GUCA1C: variants seen among roughly 807,000 people sequenced by gnomAD.
GUCA1C encodes guanylate cyclase activator 1C.
A neutral mutation model predicts 16.2 loss-of-function variants in GUCA1C; 15 were observed. The ratio of observed to expected loss-of-function variants is 0.93; its 90% CI spans 0.62 to 1.43. The LOEUF (loss-of-function observed/expected upper bound fraction) is 1.43, where lower values mean the gene tolerates loss of function less well. GUCA1C is among the 40% of genes most tolerant of loss of function. GUCA1C has a pLI of 0.00. For synonymous variants in GUCA1C, 78 were observed against 85.4 expected (o/e 0.91, Z 0.48); for missense variants, 275 against 244.8 (o/e 1.12, Z -0.82).
intron 1 of GUCA1C, among the ~76,000 whole-genome samples, chr3:108,948,329 G>A (rs991997957): frequency 2.6e-5 from 4 of 152,092 alleles, no homozygotes; most frequent in African/African-American, 7.2e-5. Context: ...TCTCTCTCCC[G>A]CCACCATGTA....
At chr3:108,920,361 T>A in intron 2 of GUCA1C, 75 bp downstream of exon 2, 1 of 1,088,994 alleles carries the variant, frequency 9.2e-7, no homozygotes, top group Non-Finnish European at 1.4e-6. Flanking sequence ...TAGACAGCTG[T>A]TACCTACTCC....
chr3:108,938,431 G>A (rs1234816851), intron 1 of GUCA1C, among the ~76,000 whole-genome samples: 1 of 151,968 alleles, frequency 6.6e-6, no homozygotes, highest in East Asian at 1.9e-4. Context: ...AAACCCAGAC[G>A]GCTAGCATAA....
At chr3:108,910,226 C>T (rs915646325) in intron 3 of GUCA1C, among the ~76,000 whole-genome samples, 2 of 152,156 alleles carry the variant, frequency 1.3e-5, no homozygotes, top group East Asian at 1.9e-4. Flanking sequence ...AGGCCGTGAG[C>T]GGTGGCTCAC....
intron 1 of GUCA1C, among the ~76,000 whole-genome samples, chr3:108,921,195 A>G (rs1014227169): frequency 6.6e-6 from 1 of 152,162 alleles, no homozygotes; most frequent in Non-Finnish European, 1.5e-5. Context: ...TGTAGTATAT[A>G]GTATGTAGCT....
At chr3:108,939,581 C>A (rs1201158695) in intron 1 of GUCA1C, among the ~76,000 whole-genome samples, 1 of 151,674 alleles carries the variant, frequency 6.6e-6, no homozygotes, top group Non-Finnish European at 1.5e-5. Flanking sequence ...CCAGCCTCAG[C>A]CTCCCAAAGT....
chr3:108,955,032 T>C (rs767330750), upstream of GUCA1C, among the ~76,000 whole-genome samples: 8 of 152,152 alleles, frequency 5.3e-5, no homozygotes, highest in African/African-American at 1.4e-4. Context: ...ACACCTGGCC[T>C]ACAGTTCTCT....
chr3:108,932,876 C>T (rs1405442080), intron 1 of GUCA1C, among the ~76,000 whole-genome samples: 1 of 137,148 alleles, frequency 7.3e-6, no homozygotes, highest in Non-Finnish European at 1.5e-5. Context: ...GAGCCGAGAT[C>T]GCGCCATTGC....
intron 2 of GUCA1C, among the ~76,000 whole-genome samples, chr3:108,917,335 T>A (rs1397983847): frequency 6.6e-6 from 1 of 152,190 alleles, no homozygotes; most frequent in African/African-American, 2.4e-5. Context: ...ATCACCAATC[T>A]TCAGGTCATA....
At chr3:108,912,810 T>G (rs1946470378) in intron 3 of GUCA1C, among the ~76,000 whole-genome samples, 1 of 152,168 alleles carries the variant, frequency 6.6e-6, no homozygotes, top group South Asian at 2.1e-4. Context: ...TGACATCTTC[T>G]TAGCAGACAC....
intron 1 of GUCA1C, among the ~76,000 whole-genome samples, chr3:108,933,736 T>G (rs977187689): frequency 1.3e-5 from 2 of 152,156 alleles, no homozygotes; most frequent in South Asian, 2.1e-4. Context: ...TTGGTGGGAA[T>G]GTAAATTAGT....
intron 1 of GUCA1C, among the ~76,000 whole-genome samples, chr3:108,951,670 CCCA>C (rs988753693): frequency 8.0e-4 from 121 of 152,154 alleles, no homozygotes; most frequent in African/African-American, 2.9e-3. Context: ...TATTGAGATC[CCCA>C]CACCTTTTGT....
chr3:108,916,233 T>G lies in GUCA1C; in HGVS notation c.355-19A>C. On this transcript the variant is annotated intron_variant, in intron 2 of 3. Coordinates refer to ENST00000261047, the MANE Select transcript of GUCA1C (RefSeq NM_005459.4). ...GTACCGCCTGCAAAAAGACATTAAA[T>G]GAAAGAGGTCAACTTTTCTGGAAGC... 1 of 1,600,620 alleles carries G rather than the reference T, an allele frequency of 6.2e-7. No homozygotes were observed. The highest frequency in any genetic ancestry group is 2.2e-5 in the East Asian group (1 of 44,844).
intron 1 of GUCA1C, among the ~76,000 whole-genome samples, chr3:108,936,260 T>G (rs1360028729): frequency 6.6e-6 from 1 of 151,336 alleles, no homozygotes; most frequent in African/African-American, 2.4e-5. Flanking sequence ...AGACCCTGTC[T>G]CGAAAAAAAA....
chr3:108,924,287 G>A (rs1281156986), intron 1 of GUCA1C, among the ~76,000 whole-genome samples: 1 of 152,138 alleles, frequency 6.6e-6, no homozygotes, highest in African/African-American at 2.4e-5. Context: ...GTTTGTCACA[G>A]ATTACTTTTA....
intron 2 of GUCA1C, among the ~76,000 whole-genome samples, chr3:108,918,145 C>T (rs1382621226): frequency 6.6e-6 from 1 of 152,212 alleles, no homozygotes; most frequent in Non-Finnish European, 1.5e-5. Context: ...GAATACTTAG[C>T]GGCATCCCTG....
chr3:108,944,945 G>T (rs1448391786), intron 1 of GUCA1C, among the ~76,000 whole-genome samples: 1 of 152,160 alleles, frequency 6.6e-6, no homozygotes, highest in Non-Finnish European at 1.5e-5. Flanking sequence ...GTAAACGGAG[G>T]GTGAGAAAGA....
At chr3:108,930,535 A>G (rs972501098) in intron 1 of GUCA1C, among the ~76,000 whole-genome samples, 2 of 152,226 alleles carry the variant, frequency 1.3e-5, no homozygotes, top group African/African-American at 2.4e-5. Flanking sequence ...TAAACTTATT[A>G]TACTTTTATT....
chr3:108,947,150 A>G (rs1946851612), intron 1 of GUCA1C, among the ~76,000 whole-genome samples: 1 of 152,204 alleles, frequency 6.6e-6, no homozygotes, highest in Non-Finnish European at 1.5e-5. Context: ...CCAATAACAG[A>G]AACAGTTGAT....
At chr3:108,928,134 A>G (rs1193895366) in intron 1 of GUCA1C, among the ~76,000 whole-genome samples, 1 of 152,160 alleles carries the variant, frequency 6.6e-6, no homozygotes, top group Non-Finnish European at 1.5e-5. Flanking sequence ...GTGGTGATCT[A>G]GTTCTTTCAA....
Sources: allele counts gnomAD v4.1 joint callset (sites outside exome capture counted in the v4.1 genomes callset), GRCh38; gene constraint gnomAD v4.1.1; transcripts MANE v1.5; gene names NCBI Gene and HGNC (gene_info 2026-07-23, HGNC 2026-07-21).